The following GC variants were observed in gnomAD, a reference collection of about 807,000 sequenced individuals.
The protein encoded by GC is vitamin D-binding protein.
GC carries 43 observed loss-of-function variants against 56.7 expected under a neutral mutation model. That is an observed-to-expected ratio of 0.76 (90% confidence interval 0.59 to 0.98). GC has a LOEUF of 0.98. GC is among the 50% of genes least tolerant of loss of function. The pLI is 0.00. For synonymous variants in GC, 216 were observed against 202.7 expected, an observed-to-expected ratio of 1.07 and a Z score of -0.56; for missense variants, 529 against 545.9, an observed-to-expected ratio of 0.97 and a Z score of 0.31.
At chr4:71,797,130 G>A (rs1383000384) in intron 1 of GC, among the ~76,000 whole-genome samples, 2 of 152,232 alleles carry the variant, frequency 1.3e-5, no homozygotes, top group Non-Finnish European at 2.9e-5. Context: ...TCCCAGTTAG[G>A]CTACACGGGG....
At chr4:71,775,402 T>C (rs1295887601) in intron 1 of GC, among the ~76,000 whole-genome samples, 1 of 151,946 alleles carries the variant, frequency 6.6e-6, no homozygotes, top group Non-Finnish European at 1.5e-5. Flanking sequence ...CACATGGCAC[T>C]CCTTTGATAA....
At chr4:71,788,386 A>G (rs1285981469), upstream of GC, among the ~76,000 whole-genome samples, 1 of 151,964 alleles carries the variant, frequency 6.6e-6, no homozygotes, top group East Asian at 1.9e-4. Flanking sequence ...ACAAATATAA[A>G]TGAATTTATT....
At chr4:71,769,573 C>A in intron 1 of GC, 173 bp from the exon 2 acceptor site, 1 of 552,750 alleles carries the variant, frequency 1.8e-6, no homozygotes, top group Non-Finnish European at 3.2e-6. Flanking sequence ...TCATAACAGG[C>A]CACAATTTTA....
intron 1 of GC, among the ~76,000 whole-genome samples, chr4:71,781,204 G>T (rs919279421): frequency 1.3e-5 from 2 of 151,928 alleles, no homozygotes; most frequent in South Asian, 2.1e-4. Flanking sequence ...TTGGTCACAG[G>T]GTGGGGAACA....
At chr4:71,748,847 C>G (rs1285136525) in intron 11 of GC, among the ~76,000 whole-genome samples, 2 of 152,014 alleles carry the variant, frequency 1.3e-5, no homozygotes, top group African/African-American at 4.8e-5. Flanking sequence ...TTTGGAATGA[C>G]AAGTAGAGAC....
rs1578288030 is a variant in GC, at chr4:71,756,627, A to G, written c.1034+85T>C. The G allele has an allele frequency of 1.1e-5, 9 of 817,900 alleles. No homozygotes were observed. In the East Asian group the frequency reaches 1.8e-4, roughly 16 times the overall value. The allele number at this position is 817,900 out of a possible 1,614,324, so 50.7% of individuals were successfully genotyped here. On this transcript the variant is annotated intron_variant, in intron 8 of 12. Transcript: ENST00000273951. ...GCCTATGTTTGAAATGAGTGATAGC[A>G]TACCTTCCCTCCATCTGGCTGGCCC...
rs192313793 is a variant in GC at position 71,762,234 on chromosome 4, T to C, written c.701+1174A>G. ...TGAGACATGGAGTCAAAGGCGATCA[T>C]TTTGGACCTTTAAGATTTGACTGCC... On this transcript the variant is annotated intron_variant, in intron 6 of 12. Coordinates refer to ENST00000273951, the MANE Select transcript of GC (RefSeq NM_000583.4). 8.5e-5 allele frequency among the ~76,000 whole-genome samples: 13 copies of C among 152,280 alleles called. 1 individual carries two copies. The East Asian group carries it at 2.5e-3, about 29-fold the overall frequency.
chr4:71,759,133 C>G (rs1248383833), intron 6 of GC, among the ~76,000 whole-genome samples: 1 of 151,960 alleles, frequency 6.6e-6, no homozygotes, highest in Non-Finnish European at 1.5e-5. Flanking sequence ...TTTTTTCAGG[C>G]TACATAATAT....
intron 1 of GC, among the ~76,000 whole-genome samples, chr4:71,800,749 T>C (rs940686123): frequency 1.8e-4 from 28 of 152,214 alleles, no homozygotes; most frequent in African/African-American, 6.0e-4. Flanking sequence ...ATCTGTTGTT[T>C]CTTGAATTTT....
intron 1 of GC, among the ~76,000 whole-genome samples, chr4:71,797,979 T>C (rs1743149006): frequency 6.6e-6 from 1 of 152,224 alleles, no homozygotes; most frequent in Admixed American, 6.5e-5. Context: ...ATATTCCCAA[T>C]GTTTTGTTAG....
chr4:71,758,010 C>T (rs1353176035), intron 7 of GC, 32 bp downstream of exon 7: 2 of 1,600,878 alleles, frequency 1.2e-6, no homozygotes, highest in Admixed American at 3.4e-5. Flanking sequence ...ATACCTGGCA[C>T]ATGGTGATAA....
At chr4:71,767,375 T>C (rs939825867) in intron 3 of GC, among the ~76,000 whole-genome samples, 1 of 152,104 alleles carries the variant, frequency 6.6e-6, no homozygotes, top group East Asian at 1.9e-4. Context: ...AGCTACTGTC[T>C]GAACATGTCA....
At chr4:71,753,709 G>T (rs896041841) in intron 10 of GC, among the ~76,000 whole-genome samples, 4 of 152,096 alleles carry the variant, frequency 2.6e-5, no homozygotes, top group Admixed American at 1.3e-4. Flanking sequence ...ATTATTGGTA[G>T]TTAACATTTC....
At chr4:71,754,214 C>T (rs1741644902) in intron 10 of GC, among the ~76,000 whole-genome samples, 197 bp downstream of exon 10, 1 of 152,158 alleles carries the variant, frequency 6.6e-6, no homozygotes, top group Admixed American at 6.5e-5. Context: ...CTCTCCTACC[C>T]TCCCACCTTT....
chr4:71,804,573 A>G (rs1743320475), upstream of GC, among the ~76,000 whole-genome samples: 1 of 151,758 alleles, frequency 6.6e-6, no homozygotes, highest in African/African-American at 2.4e-5. Flanking sequence ...TGGCCTCCAA[A>G]GTTGTTTTAG....
chr4:71,781,516 A>G (rs1742679075), intron 1 of GC, among the ~76,000 whole-genome samples: 1 of 151,856 alleles, frequency 6.6e-6, no homozygotes, highest in Non-Finnish European at 1.5e-5. Context: ...ATTTTAAAAA[A>G]TCAATTTTTA....
chr4:71,742,741 G>A (rs1351985054), intron 12 of GC, among the ~76,000 whole-genome samples: 5 of 152,182 alleles, frequency 3.3e-5, no homozygotes, highest in Non-Finnish European at 5.9e-5. Context: ...TTGGGAGGCC[G>A]AGGTGGGTGG....
At chr4:71,774,200 G>A (rs1432273896) in intron 1 of GC, among the ~76,000 whole-genome samples, 1 of 152,010 alleles carries the variant, frequency 6.6e-6, no homozygotes, top group African/African-American at 2.4e-5. Flanking sequence ...TACCTCTTAG[G>A]ATGATATCAG....
intron 6 of GC, among the ~76,000 whole-genome samples, chr4:71,761,147 C>G (rs1457504066): frequency 1.3e-5 from 2 of 152,058 alleles, no homozygotes; most frequent in Non-Finnish European, 2.9e-5. Context: ...ATGGCTTTGC[C>G]CAAAATGCTA....
Sources: gnomAD v4.1 joint callset for allele counts (sites outside exome capture counted in the v4.1 genomes callset) on GRCh38, gnomAD v4.1.1 for gene constraint, MANE v1.5 for transcripts, NCBI Gene and HGNC (gene_info 2026-07-23, HGNC 2026-07-21) for gene names.